PRKCQ: variants seen among roughly 807,000 people sequenced by gnomAD.
The protein encoded by PRKCQ is protein kinase C theta type.
In PRKCQ, 41 loss-of-function variants were observed where a neutral mutation model predicts 91.2. The observed-to-expected ratio is 0.45, with a 90% confidence interval of 0.35 to 0.58. The LOEUF (loss-of-function observed/expected upper bound fraction) is 0.58. Ranked by LOEUF, PRKCQ falls within the 20% of genes least tolerant of loss-of-function variation. PRKCQ has a pLI of 0.00. For synonymous variants in PRKCQ, 307 were observed against 316.9 expected (o/e 0.97, Z 0.33); for missense variants, 673 against 896.5 (o/e 0.75, Z 3.18).
Position 6,430,826 on chromosome 10 carries a change from G to A in PRKCQ, c.1949C>T (p.Pro650Leu), listed in dbSNP as rs759796771. ...AGTCCTTACCACTTTCGGCCGGAAC[G>A]GTGGGTCAATCTCCTTCCGTTCAAG... ...EELERKEIDP[P>L]FRPKVKSPFD... The change falls in exon 17 of 18, where the codon CCG becomes CTG. Residue 650 changes from proline to leucine, a missense_variant. By Grantham distance (98) the Pro-to-Leu change is moderately conservative (BLOSUM62 -3). Coordinates refer to ENST00000263125, the MANE Select transcript of PRKCQ (RefSeq NM_006257.5). The surrounding 1 kb of genome is among the most constrained non-coding windows in gnomAD (Gnocchi z 4.7). 26 of 1,613,966 alleles carry A rather than the reference G, an allele frequency of 1.6e-5. No individual in the cohort carries two copies. The highest frequency in any genetic ancestry group is 2.2e-5 in the East Asian group (1 of 44,876).
chr10:6,479,311 G>C lies in PRKCQ; in HGVS notation c.1180-146C>G, dbSNP rs142143107. The C allele has an allele frequency of 8.9e-3, 7,400 of 832,284 alleles. 40 individuals are homozygous for C. The highest frequency in any genetic ancestry group is 0.012 in the Non-Finnish European group (6,510 of 540,258). 51.6% of individuals were successfully genotyped at this position (832,284 alleles called of 1,614,324 possible). On this transcript the variant is annotated intron_variant, in intron 11 of 17. Transcript: ENST00000263125. The stretch of plus-strand genomic sequence containing the variant: ...CATCCATCCTGCATAGGCCATTCCT[G>C]AGACAAAATGGAGCACTTCTCTGGT...
chr10:6,461,388 A>C (rs1369731329), intron 14 of PRKCQ, among the ~76,000 whole-genome samples: 1 of 152,278 alleles, frequency 6.6e-6, no homozygotes, highest in East Asian at 1.9e-4. Context: ...ATTTAAAAAA[A>C]TTCTGCTAAG....
intron 15 of PRKCQ, among the ~76,000 whole-genome samples, chr10:6,454,396 C>T (rs979325538): frequency 6.6e-6 from 1 of 151,850 alleles, no homozygotes. Context: ...GAGATCTGGG[C>T]GGAGCTGGAT....
intron 1 of PRKCQ, among the ~76,000 whole-genome samples, chr10:6,529,682 G>C (rs1233428650): frequency 2.0e-5 from 3 of 152,174 alleles, no homozygotes; most frequent in African/African-American, 7.2e-5. Flanking sequence ...GTATAGGCCA[G>C]CTCTATCAGT....
At chr10:6,501,549 T>C (rs1004757370) in intron 4 of PRKCQ, among the ~76,000 whole-genome samples, 1 of 151,458 alleles carries the variant, frequency 6.6e-6, no homozygotes. Context: ...CGGCTGGGCG[T>C]GGTAGCTTAC....
chr10:6,439,947 T>C (rs1328211795), intron 16 of PRKCQ, among the ~76,000 whole-genome samples: 1 of 152,194 alleles, frequency 6.6e-6, no homozygotes, highest in Non-Finnish European at 1.5e-5. Flanking sequence ...CAGAATCTCA[T>C]CTTGAATTAT....
At chr10:6,508,525 AT>A (rs1447087818) in intron 3 of PRKCQ, among the ~76,000 whole-genome samples, 2 of 152,264 alleles carry the variant, frequency 1.3e-5, no homozygotes, top group Non-Finnish European at 2.9e-5. Context: ...TGCCATGAGA[AT>A]TTTATGATAA....
At chr10:6,557,476 C>A (rs1175708084) in intron 1 of PRKCQ, among the ~76,000 whole-genome samples, 1 of 152,124 alleles carries the variant, frequency 6.6e-6, no homozygotes, top group Non-Finnish European at 1.5e-5. Flanking sequence ...TCCTGCTCTC[C>A]TTCCCTCTCA....
the PRKCQ span, among the ~76,000 whole-genome samples, chr10:6,401,516 T>G: frequency 6.6e-6 from 1 of 152,126 alleles, no homozygotes; most frequent in East Asian, 1.9e-4. Flanking sequence ...GGCTGGTTTT[T>G]TTTTTTTAAA....
chr10:6,499,102 A>T (rs777012608), intron 4 of PRKCQ, among the ~76,000 whole-genome samples: 16 of 152,168 alleles, frequency 1.1e-4, no homozygotes, highest in Non-Finnish European at 2.4e-4. Context: ...GGAGAAAGGA[A>T]CTTTGGGACA....
At position 6,497,540 on chromosome 10, in the gene PRKCQ, T is replaced by A. The variant is rs1368994307; in HGVS notation, c.543-289A>T. 6.6e-6 allele frequency among the ~76,000 whole-genome samples: 1 copy of A among 152,216 alleles called. No individual in the cohort carries two copies. Among genetic ancestry groups the A allele is most frequent in the East Asian group, 1.9e-4 (1 of 5,202 alleles). ...GAATGAAAATGCATGCATCACAGAC[T>A]CTTCGTAGCACGTTTCCCTGTGCTA... On this transcript the variant is annotated intron_variant, in intron 5 of 17. Coordinates refer to ENST00000263125, the MANE Select transcript of PRKCQ (RefSeq NM_006257.5). The surrounding 1 kb of genome is among the most constrained non-coding windows in gnomAD (Gnocchi z 4.5).
In PRKCQ at chr10:6,442,033, C is replaced by T; in HGVS notation, c.1696G>A (p.Gly566Arg). Residue 566 changes from glycine (G) to arginine (R), a missense_variant, in exon 16 of 18, where the codon GGG (glycine) becomes AGG (arginine). Gly to Arg is a moderately radical substitution (Grantham distance 125). Transcript: ENST00000263125. Reference sequence around the variant, plus strand: ...ATCAGCATTTCATAAAGGAGAACCCCGAAGGACCACCAGTCCACAGAGTGG... The same window carrying T: ...ATCAGCATTTCATAAAGGAGAACCCTGAAGGACCACCAGTCCACAGAGTGG... ...YNHSVDWWSFGVLLYEMLIGQ... is the reference protein window; with the variant it reads ...YNHSVDWWSFRVLLYEMLIGQ... 6.2e-7 allele frequency: 1 copy of T among 1,614,122 alleles called. No homozygotes were observed. Among genetic ancestry groups the T allele is most frequent in the Non-Finnish European group, 8.5e-7 (1 of 1,180,014 alleles).
At position 6,491,673 on chromosome 10, in the gene PRKCQ, C is replaced by G. The variant is rs1389135152; in HGVS notation, c.790+10G>C. On this transcript the variant is annotated intron_variant, in intron 8 of 17. Coordinates refer to ENST00000263125, the MANE Select transcript of PRKCQ (RefSeq NM_006257.5). ...CACGTCGGGCCATGCTCATCCCCCA[C>G]TGGACTCACCATCACACTTGAGTCC... The G allele has an allele frequency of 3.1e-6, 5 of 1,613,994 alleles. No individual in the cohort carries two copies. Among genetic ancestry groups the G allele is most frequent in the East Asian group, 2.2e-5 (1 of 44,902 alleles).
At chr10:6,424,971 A>T (rs1833081018), downstream of PRKCQ, among the ~76,000 whole-genome samples, 1 of 152,202 alleles carries the variant, frequency 6.6e-6, no homozygotes, top group African/African-American at 2.4e-5. Context: ...TGATGAGAGG[A>T]CCGGCATCGA....
the PRKCQ span, among the ~76,000 whole-genome samples, chr10:6,415,449 TATATATAC>T: frequency 1.4e-5 from 1 of 73,246 alleles, no homozygotes; most frequent in Non-Finnish European, 2.8e-5. Flanking sequence ...TATATATATA[TATATATAC>T]ACTTACTCAA....
intron 1 of PRKCQ, among the ~76,000 whole-genome samples, chr10:6,557,871 C>CCTTCAT (rs1393202894): frequency 6.6e-6 from 1 of 152,054 alleles, no homozygotes; most frequent in Non-Finnish European, 1.5e-5. Flanking sequence ...GCTGAGTTCT[C>CCTTCAT]CTTCATCTTC....
intron 12 of PRKCQ, among the ~76,000 whole-genome samples, chr10:6,472,428 G>A (rs1836032922): frequency 1.3e-5 from 2 of 152,194 alleles, no homozygotes; most frequent in East Asian, 1.9e-4. Flanking sequence ...CTCATTGCCC[G>A]TTATTTCCTG....
chr10:6,574,610 C>T lies in PRKCQ; in HGVS notation c.-10+5601G>A, dbSNP rs77867172. On this transcript the variant is annotated intron_variant, in intron 1 of 17. Transcript: ENST00000263125. ...ACTGGCACATGCTCCTTTCTCGCAG[C>T]ATCACTGCTATCAGAGATCACAATT... Among the ~76,000 whole-genome samples the T allele has an allele frequency of 8.6e-3, 1,314 of 152,334 alleles. 17 individuals carry two copies. Among genetic ancestry groups the T allele is most frequent in the African/African-American group, 0.03 (1,245 of 41,578 alleles).
At chr10:6,557,630 G>C (rs772386635) in intron 1 of PRKCQ, among the ~76,000 whole-genome samples, 1 of 151,980 alleles carries the variant, frequency 6.6e-6, no homozygotes, top group Non-Finnish European at 1.5e-5. Flanking sequence ...CCTCTACCTA[G>C]TAGTAGCCTC....
Sources: allele counts gnomAD v4.1 joint callset (sites outside exome capture counted in the v4.1 genomes callset), GRCh38; gene constraint gnomAD v4.1.1; non-coding constraint Gnocchi (gnomAD v3.1); transcripts MANE v1.5; gene names NCBI Gene and HGNC (gene_info 2026-07-23, HGNC 2026-07-21).